CSMD1: variants seen among roughly 807,000 people sequenced by gnomAD.
The protein encoded by CSMD1 is CUB and Sushi multiple domains 1, also known as CUB and sushi domain-containing protein 1.
Under a neutral mutation model 417.5 loss-of-function variants are expected in CSMD1, and 213 were observed. The ratio of observed to expected loss-of-function variants is 0.51; its 90% CI spans 0.46 to 0.57. The LOEUF is 0.57. Among genes scored for constraint, CSMD1 ranks in the 20% least tolerant of loss-of-function variants. The pLI, the probability that CSMD1 is intolerant of heterozygous loss-of-function variation, is 0.00. For missense variants in CSMD1, 6,923 were observed against 4,529.7 expected (o/e 1.53, Z -15.17); for synonymous variants, 2,862 against 1,736.8 (o/e 1.65, Z -16.11).
At chr8:4,700,938 G>C (rs748909659) in intron 1 of CSMD1, among the ~76,000 whole-genome samples, 2 of 152,132 alleles carry the variant, frequency 1.3e-5, no homozygotes, top group Non-Finnish European at 2.9e-5. Context: ...ACTGTGGAAG[G>C]TATCAAGTAA....
intron 6 of CSMD1, among the ~76,000 whole-genome samples, chr8:3,739,308 A>G (rs2623707): frequency 0.93 from 141,981 of 152,272 alleles, 67,026 homozygotes; most frequent in Non-Finnish European, 1. Flanking sequence ...AATTACAGCT[A>G]GACAGGATGA....
intron 5 of CSMD1, among the ~76,000 whole-genome samples, chr8:3,891,279 T>G (rs2627340): frequency 0.072 from 11,003 of 152,148 alleles, 1,265 homozygotes; most frequent in African/African-American, 0.24. Context: ...AAAAATTCCT[T>G]GCTCAAGTGA....
At chr8:4,324,933 G>A (rs570493630) in intron 3 of CSMD1, among the ~76,000 whole-genome samples, 7 of 152,080 alleles carry the variant, frequency 4.6e-5, no homozygotes, top group African/African-American at 7.2e-5. Flanking sequence ...GCCTCTTCAC[G>A]GGAAGGAGGC....
At chr8:4,212,011 G>C (rs536479592) in intron 3 of CSMD1, among the ~76,000 whole-genome samples, 1 of 152,102 alleles carries the variant, frequency 6.6e-6, no homozygotes, top group African/African-American at 2.4e-5. Context: ...GTTGAAACTT[G>C]CATTTGTGCA....
intron 7 of CSMD1, among the ~76,000 whole-genome samples, chr8:3,636,537 C>A (rs374851032): frequency 6.6e-6 from 1 of 152,176 alleles, no homozygotes; most frequent in Admixed American, 6.5e-5. Flanking sequence ...ACTTAACCTA[C>A]CATCTGTTCC....
chr8:3,712,195 G>C (rs896320906), intron 6 of CSMD1, among the ~76,000 whole-genome samples: 1 of 151,990 alleles, frequency 6.6e-6, no homozygotes, highest in Non-Finnish European at 1.5e-5. Flanking sequence ...TGCTAATCTT[G>C]GCAACGTTGT....
At chr8:3,124,020 A>C (rs1817358194) in intron 41 of CSMD1, among the ~76,000 whole-genome samples, 1 of 152,202 alleles carries the variant, frequency 6.6e-6, no homozygotes, top group East Asian at 1.9e-4. Context: ...GAAATAGGAC[A>C]TTTGAAGTTG....
chr8:4,811,059 A>G (rs1164690961), intron 1 of CSMD1, among the ~76,000 whole-genome samples: 1 of 152,222 alleles, frequency 6.6e-6, no homozygotes, highest in Non-Finnish European at 1.5e-5. Flanking sequence ...ATTAATCAGT[A>G]AAGTAATTCG....
At chr8:3,698,074 A>T (rs1466078550) in intron 7 of CSMD1, among the ~76,000 whole-genome samples, 1 of 152,154 alleles carries the variant, frequency 6.6e-6, no homozygotes, top group East Asian at 1.9e-4. Flanking sequence ...AAATTATATG[A>T]TATAAACGGT....
chr8:3,225,337 AATATG>A (rs1228216642), intron 27 of CSMD1, among the ~76,000 whole-genome samples: 1 of 152,154 alleles, frequency 6.6e-6, no homozygotes, highest in Admixed American at 6.5e-5. Context: ...GTTCAAGAGT[AATATG>A]ATATAATTTT....
chr8:3,183,353 T>C (rs367949275), intron 36 of CSMD1, among the ~76,000 whole-genome samples: 5 of 145,222 alleles, frequency 3.4e-5, no homozygotes, highest in African/African-American at 5.1e-5. Flanking sequence ...AGGTCTCTAA[T>C]GTTTCTTAAC....
intron 5 of CSMD1, among the ~76,000 whole-genome samples, chr8:3,866,218 C>A (rs547387359): frequency 1.3e-5 from 2 of 152,264 alleles, no homozygotes; most frequent in East Asian, 3.9e-4. Context: ...ATTCCTAATT[C>A]TAGTTTTGTT....
At chr8:4,125,629 G>C (rs553533969) in intron 3 of CSMD1, among the ~76,000 whole-genome samples, 20 of 152,224 alleles carry the variant, frequency 1.3e-4, no homozygotes, top group Non-Finnish European at 2.4e-4. Context: ...GTCAGTGACA[G>C]AAATCAGACC....
chr8:3,253,254 A>G (rs886474621), intron 26 of CSMD1, among the ~76,000 whole-genome samples: 4 of 152,092 alleles, frequency 2.6e-5, no homozygotes, highest in African/African-American at 4.8e-5. Flanking sequence ...GTTTCAAAGA[A>G]CATCTTTATT....
chr8:4,764,872 C>CAAAAAAAAAAAAAAAAAAAAAAAA (rs1194894751), intron 1 of CSMD1, among the ~76,000 whole-genome samples: 3 of 50,948 alleles, frequency 5.9e-5, no homozygotes, highest in Admixed American at 2.6e-4. Flanking sequence ...GACTCCATCT[C>CAAAAAAAAAAAAAAAAAAAAAAAA]AAAAAAAAAA....
chr8:3,927,634 C>T (rs1484048589), intron 5 of CSMD1, among the ~76,000 whole-genome samples: 2 of 152,076 alleles, frequency 1.3e-5, no homozygotes, highest in Admixed American at 6.6e-5. Flanking sequence ...CACTGAACTC[C>T]ACACTCGGCG....
At chr8:3,861,590 T>C (rs1585104514) in intron 5 of CSMD1, among the ~76,000 whole-genome samples, 1 of 152,174 alleles carries the variant, frequency 6.6e-6, no homozygotes, top group Non-Finnish European at 1.5e-5. Context: ...GGTATGTGGG[T>C]TTCTGAGCTG....
intron 3 of CSMD1, among the ~76,000 whole-genome samples, chr8:4,127,512 T>C (rs1802838126): frequency 6.7e-6 from 1 of 149,236 alleles, no homozygotes; most frequent in Admixed American, 6.7e-5. Context: ...AACTGCAGAC[T>C]TCTCCCTCCA....
chr8:4,389,590 C>A (rs940634926), intron 3 of CSMD1, among the ~76,000 whole-genome samples: 18 of 152,094 alleles, frequency 1.2e-4, no homozygotes, highest in Admixed American at 3.9e-4. Context: ...AGAAATAAAA[C>A]ATTTCAAGTG....
Sources: gnomAD v4.1 joint callset for allele counts (sites outside exome capture counted in the v4.1 genomes callset) on GRCh38, gnomAD v4.1.1 for gene constraint, MANE v1.5 for transcripts, NCBI Gene and HGNC (gene_info 2026-07-23, HGNC 2026-07-21) for gene names.